NUP155: variants seen among roughly 807,000 people sequenced by gnomAD.
NUP155 encodes the protein nuclear pore complex protein Nup155.
Under a neutral mutation model 180.4 loss-of-function variants are expected in NUP155, and 71 were observed. The ratio of observed to expected loss-of-function variants is 0.39; its 90% CI spans 0.33 to 0.48. The LOEUF (loss-of-function observed/expected upper bound fraction) is 0.48. Among genes scored for constraint, NUP155 ranks in the 20% least tolerant of loss-of-function variants. NUP155 has a pLI of 0.91. For missense variants in NUP155, 1,553 were observed against 1,648.9 expected, an observed-to-expected ratio of 0.94 and a Z score of 1.01; for synonymous variants, 582 against 559.5, an observed-to-expected ratio of 1.04 and a Z score of -0.57.
chr5:37,332,555 C>A (rs2150968202), intron 13 of NUP155, among the ~76,000 whole-genome samples: 1 of 151,960 alleles, frequency 6.6e-6, no homozygotes, highest in African/African-American at 2.4e-5. Flanking sequence ...TTTGCCATTA[C>A]AATCAATGGC....
chr5:37,340,634 TG>T (rs924544438), intron 11 of NUP155, among the ~76,000 whole-genome samples: 2 of 152,076 alleles, frequency 1.3e-5, no homozygotes, highest in African/African-American at 4.8e-5. Flanking sequence ...GACAATTCAA[TG>T]GGGGATATAA....
At position 37,333,550 on chromosome 5, in the gene NUP155, G is replaced by T. The variant is rs759624293; in HGVS notation, c.1431C>A (p.Asn477Lys). ...LKVDKIITPL[N>K]KDHIPITDSP... ...AATCAGTTATTGGAATATGATCCTTGTTTAAAGGTGTAATTATTTTATCTA... is the reference window on the plus strand; with the variant it reads ...AATCAGTTATTGGAATATGATCCTTTTTTAAAGGTGTAATTATTTTATCTA... Residue 477 changes from asparagine to lysine, a missense_variant, in exon 13 of 35, where the codon AAC (asparagine) becomes AAA (lysine). Transcript: ENST00000231498. 1 of 1,613,552 alleles carries T rather than the reference G, an allele frequency of 6.2e-7. No homozygotes were observed. Among genetic ancestry groups the T allele is most frequent in the Non-Finnish European group, 8.5e-7 (1 of 1,179,560 alleles).
At chr5:37,338,403 C>G (rs897667386) in intron 11 of NUP155, among the ~76,000 whole-genome samples, 1 of 149,806 alleles carries the variant, frequency 6.7e-6, no homozygotes, top group African/African-American at 2.5e-5. Flanking sequence ...ACACACACAA[C>G]ATCAATCTTT....
intron 8 of NUP155, among the ~76,000 whole-genome samples, chr5:37,348,971 G>C (rs1302293732): frequency 2.0e-5 from 3 of 151,794 alleles, no homozygotes; most frequent in African/African-American, 2.4e-5. Flanking sequence ...GGCTAGACTG[G>C]TCTCAAACTC....
chr5:37,331,725 C>T lies in NUP155; in HGVS notation c.1589G>A (p.Gly530Glu). ...GAATCTTTCAATCTCTTCTCCATCT[C>T]CTCCCACATTACTCACAAGTAGATG... ...LRHLLVSNVG[G>E]DGEEIERFFK... The change falls in exon 14 of 35, where the codon GGA becomes GAA. Residue 530 changes from glycine (G) to glutamate (E), a missense_variant. By Grantham distance (98) the Gly-to-Glu change is moderately conservative. Coordinates refer to ENST00000231498, the MANE Select transcript of NUP155 (RefSeq NM_153485.3). The T allele has an allele frequency of 1.2e-6, 2 of 1,609,936 alleles. No individual in the cohort carries two copies. The highest frequency in any genetic ancestry group is 1.7e-6 in the Non-Finnish European group (2 of 1,177,506).
intron 23 of NUP155, 110 bp downstream of exon 23, chr5:37,310,442 G>C: frequency 1.3e-6 from 1 of 789,156 alleles, no homozygotes; most frequent in Non-Finnish European, 2.1e-6. Flanking sequence ...GAGGCTAGGA[G>C]AGGTTAAGAG....
intron 9 of NUP155, among the ~76,000 whole-genome samples, chr5:37,344,657 T>A (rs1410646172): frequency 6.6e-6 from 1 of 151,806 alleles, no homozygotes; most frequent in Non-Finnish European, 1.5e-5. Flanking sequence ...TCCCAGCACT[T>A]TGGGAGGCTG....
chr5:37,347,027 A>G (rs1433199249), intron 9 of NUP155, among the ~76,000 whole-genome samples: 1 of 152,046 alleles, frequency 6.6e-6, no homozygotes, highest in Non-Finnish European at 1.5e-5. Flanking sequence ...CAGGAGTTCA[A>G]GACCAGTCTG....
intron 4 of NUP155, among the ~76,000 whole-genome samples, chr5:37,357,183 A>G (rs183814063): frequency 2.0e-3 from 311 of 152,046 alleles, no homozygotes; most frequent in African/African-American, 7.2e-3. Flanking sequence ...AGGTGGGTGG[A>G]TTGCTTGAGC....
intron 33 of NUP155, 66 bp downstream of exon 33, chr5:37,294,263 A>G (rs1379642014): frequency 1.8e-6 from 2 of 1,117,978 alleles, no homozygotes; most frequent in African/African-American, 3.1e-5. Flanking sequence ...AAAATACCCC[A>G]CTCTATATCT....
chr5:37,310,411 C>A, intron 23 of NUP155, 141 bp downstream of exon 23: 1 of 614,756 alleles, frequency 1.6e-6, no homozygotes. Context: ...TATTCCAACC[C>A]CTTTCTTAGA....
At chr5:37,355,670 C>T (rs1214498864) in intron 4 of NUP155, among the ~76,000 whole-genome samples, 1 of 151,808 alleles carries the variant, frequency 6.6e-6, no homozygotes, top group Non-Finnish European at 1.5e-5. Flanking sequence ...GCTCCACCTC[C>T]CAGGTTCACA....
intron 21 of NUP155, among the ~76,000 whole-genome samples, chr5:37,314,695 G>GT (rs1743771228): frequency 2.0e-5 from 3 of 152,238 alleles, no homozygotes; most frequent in Admixed American, 2.0e-4. Flanking sequence ...AAATTAGCTG[G>GT]TGGGGGGGAT....
intron 6 of NUP155, 77 bp from the exon 7 acceptor site, chr5:37,350,342 T>G (rs545147093): frequency 1.1e-6 from 1 of 927,842 alleles, no homozygotes; most frequent in Non-Finnish European, 1.7e-6. Context: ...TCCATATTTA[T>G]AAAAACCTTC....
At chr5:37,301,590 G>A (rs1742866324) in intron 29 of NUP155, 40 bp from the exon 30 acceptor site, 1 of 1,192,888 alleles carries the variant, frequency 8.4e-7, no homozygotes, top group Non-Finnish European at 1.3e-6. Flanking sequence ...ATTTATTTAT[G>A]ATAAATCAAC....
intron 11 of NUP155, among the ~76,000 whole-genome samples, chr5:37,339,137 G>C (rs146579993): frequency 6.6e-6 from 1 of 152,140 alleles, no homozygotes; most frequent in Non-Finnish European, 1.5e-5. Context: ...CGGAGGCTGA[G>C]GCAGGCTGAT....
chr5:37,339,431 C>A (rs977726968), intron 11 of NUP155, among the ~76,000 whole-genome samples: 2 of 151,998 alleles, frequency 1.3e-5, no homozygotes, highest in Non-Finnish European at 2.9e-5. Context: ...AGTTTAAGAC[C>A]AGCCTGGGAA....
chr5:37,329,050 T>C, intron 16 of NUP155, 140 bp downstream of exon 16: 2 of 677,690 alleles, frequency 3.0e-6, no homozygotes, highest in South Asian at 3.5e-5. Flanking sequence ...CTTTTAAGAA[T>C]CAGAATCTAT....
Position 37,291,938 on chromosome 5 carries a change from A to T in NUP155, c.4138T>A (p.Phe1380Ile). The change falls in exon 35 of 35, where the codon TTT becomes ATT. Residue 1380 changes from phenylalanine to isoleucine, a missense_variant. Physicochemically the swap from Phe to Ile is conservative, Grantham distance 21 (BLOSUM62 0). Transcript: ENST00000231498. ...TCTAATTTAGCTTGAAGAGATTTAA[A>T]ATTCCCAGTGATGGCTTGTACTGCT... ...SVAVQAITGNFKSLQAKLERL... is the reference protein window; with the variant it reads ...SVAVQAITGNIKSLQAKLERL... 1 of 1,614,096 alleles carries T rather than the reference A, an allele frequency of 6.2e-7. No homozygotes were observed.
Sources: allele counts gnomAD v4.1 joint callset (sites outside exome capture counted in the v4.1 genomes callset), GRCh38; gene constraint gnomAD v4.1.1; transcripts MANE v1.5; gene names NCBI Gene and HGNC (gene_info 2026-07-23, HGNC 2026-07-21).